The following PHLPP1 variants were observed in gnomAD, a reference collection of about 807,000 sequenced individuals.
PHLPP1 encodes PH domain leucine-rich repeat-containing protein phosphatase 1.
Under a neutral mutation model 117.2 loss-of-function variants are expected in PHLPP1, and 42 were observed. The observed-to-expected ratio is 0.36, with a 90% CI of 0.28 to 0.46. The LOEUF is 0.46. Among genes scored for constraint, PHLPP1 ranks in the 20% least tolerant of loss-of-function variants. The pLI, the probability that PHLPP1 is intolerant of heterozygous loss-of-function variation, is 1.00. For missense variants in PHLPP1, 2,084 were observed against 2,241.9 expected (o/e 0.93, Z 1.42); for synonymous variants, 1,042 against 970.7 (o/e 1.07, Z -1.37).
intron 12 of PHLPP1, among the ~76,000 whole-genome samples, chr18:62,951,916 G>A (rs913441694): frequency 1.3e-5 from 2 of 148,608 alleles, no homozygotes; most frequent in Admixed American, 6.9e-5. Flanking sequence ...CCGGGTTCAC[G>A]CCATTCTCCT....
intron 7 of PHLPP1, among the ~76,000 whole-genome samples, chr18:62,903,385 G>A (rs1391125591): frequency 6.6e-6 from 1 of 152,112 alleles, no homozygotes; most frequent in Non-Finnish European, 1.5e-5. Context: ...TTGTGATTTG[G>A]ATAAGTTACT....
intron 1 of PHLPP1, among the ~76,000 whole-genome samples, chr18:62,800,161 C>T (rs572610655): frequency 2.0e-5 from 3 of 152,080 alleles, no homozygotes; most frequent in African/African-American, 7.2e-5. Flanking sequence ...GAATAGATAC[C>T]CTTGACCACA....
At chr18:62,758,514 C>A (rs1471024026) in intron 1 of PHLPP1, among the ~76,000 whole-genome samples, 1 of 152,016 alleles carries the variant, frequency 6.6e-6, no homozygotes, top group Non-Finnish European at 1.5e-5. Context: ...TGGGTAGTCA[C>A]AGAAACCCCT....
intron 4 of PHLPP1, among the ~76,000 whole-genome samples, chr18:62,871,533 G>T (rs1287427363): frequency 6.6e-6 from 1 of 151,770 alleles, no homozygotes; most frequent in Non-Finnish European, 1.5e-5. Context: ...TCACCATGTC[G>T]GCCAGTCTGG....
At position 62,979,111 on chromosome 18, in the gene PHLPP1, T is replaced by A; in HGVS notation, c.4834T>A (p.Phe1612Ile). 6.2e-7 allele frequency: 1 copy of A among 1,613,868 alleles called. No homozygotes were observed. Among genetic ancestry groups the A allele is most frequent in the Non-Finnish European group, 8.5e-7 (1 of 1,179,780 alleles). ...GCCAGGTCTGCCCAGGAAGGCAGAC[T>A]TCTCTGCCGTTGGGACCATTGGGCG... ...DEPGLPRKADFSAVGTIGRRR... is the reference protein window; with the variant it reads ...DEPGLPRKADISAVGTIGRRR... The change falls in exon 17 of 17, where the codon TTC becomes ATC. Residue 1612 changes from phenylalanine (F) to isoleucine (I), a missense_variant. Coordinates refer to ENST00000262719, the MANE Select transcript of PHLPP1 (RefSeq NM_194449.4).
rs142805008 is a variant in PHLPP1, at chr18:62,852,071, G to C, written c.1900-8364G>C. On this transcript the variant is annotated intron_variant, in intron 3 of 16. Transcript: ENST00000262719. ...TTTTAATTTAATTTTGTAGAGATGG[G>C]GTCTTGCTGTGTTGTCTGGGCTGGC... Among the ~76,000 whole-genome samples the C allele has an allele frequency of 1.1e-3, 163 of 150,968 alleles. 2 individuals are homozygous for C. Among genetic ancestry groups the C allele is most frequent in the African/African-American group, 3.8e-3 (156 of 41,158 alleles).
chr18:62,932,610 T>C (rs943028095), intron 10 of PHLPP1, among the ~76,000 whole-genome samples: 1 of 152,114 alleles, frequency 6.6e-6, no homozygotes, highest in African/African-American at 2.4e-5. Flanking sequence ...ATCAACGGAA[T>C]GTACCTCAAA....
Position 62,979,495 on chromosome 18 carries a change from C to T in PHLPP1, c.*64C>T. On this transcript the variant is annotated 3_prime_UTR_variant, in exon 17 of 17. Coordinates refer to ENST00000262719, the MANE Select transcript of PHLPP1 (RefSeq NM_194449.4). ...GACTGAGTTGCAAGAGTCTCCCAGG[C>T]TCACATTAAACCAGGGGTTTTACTC... The T allele has an allele frequency of 1.3e-6, 2 of 1,504,720 alleles. No individual in the cohort carries two copies. The highest frequency in any genetic ancestry group is 1.3e-5 in the South Asian group (1 of 76,210). 93.2% of individuals were successfully genotyped at this position (1,504,720 alleles called of 1,614,324 possible). A position where few individuals can be genotyped will look rare whatever the true frequency, so the allele number is the denominator to read the frequency against.
intron 4 of PHLPP1, among the ~76,000 whole-genome samples, chr18:62,863,235 CTG>C (rs980850772): frequency 6.6e-6 from 1 of 151,598 alleles, no homozygotes; most frequent in African/African-American, 2.4e-5. Context: ...TTTTTAGACA[CTG>C]TTTTGCTGTC....
chr18:62,971,800 G>C (rs1911055755), intron 14 of PHLPP1, among the ~76,000 whole-genome samples: 2 of 152,176 alleles, frequency 1.3e-5, no homozygotes, highest in Admixed American at 1.3e-4. Context: ...ACTTTGGGAG[G>C]CTGAGGCTGG....
intron 9 of PHLPP1, among the ~76,000 whole-genome samples, chr18:62,915,998 GAAGT>G (rs1333217002): frequency 2.0e-5 from 3 of 152,114 alleles, no homozygotes; most frequent in African/African-American, 7.2e-5. Context: ...AAATATTATA[GAAGT>G]ATGTCACCAT....
chr18:62,849,824 A>ATATATATATATATATATATATATATAT (rs1450269021), intron 3 of PHLPP1, among the ~76,000 whole-genome samples: 6 of 44,778 alleles, frequency 1.3e-4, no homozygotes, highest in Non-Finnish European at 2.3e-4. Context: ...AAAAAAAAAA[A>ATATATATATATATATATATATATATAT]AAAAAAAAAT....
At chr18:62,923,605 C>T (rs1256217814) in intron 10 of PHLPP1, among the ~76,000 whole-genome samples, 1 of 152,060 alleles carries the variant, frequency 6.6e-6, no homozygotes, top group Non-Finnish European at 1.5e-5. Flanking sequence ...TAATGATTTC[C>T]ACCAAATTAT....
At chr18:62,974,348 G>A (rs970020031) in intron 15 of PHLPP1, among the ~76,000 whole-genome samples, 1 of 152,124 alleles carries the variant, frequency 6.6e-6, no homozygotes, top group African/African-American at 2.4e-5. Context: ...TGGTCCTTAG[G>A]GGAACTGGTC....
chr18:62,739,676 G>T (rs1911467462), intron 1 of PHLPP1, among the ~76,000 whole-genome samples: 2 of 152,098 alleles, frequency 1.3e-5, no homozygotes, highest in African/African-American at 4.8e-5. Flanking sequence ...AAAGAAATAA[G>T]CAGGCATGGA....
At chr18:62,765,700 T>G (rs913325204) in intron 1 of PHLPP1, among the ~76,000 whole-genome samples, 1 of 152,096 alleles carries the variant, frequency 6.6e-6, no homozygotes, top group African/African-American at 2.4e-5. Flanking sequence ...CATAAAATAT[T>G]TGTACAGAAA....
intron 2 of PHLPP1, among the ~76,000 whole-genome samples, chr18:62,836,625 T>C (rs979264947): frequency 6.6e-6 from 1 of 151,910 alleles, no homozygotes; most frequent in Non-Finnish European, 1.5e-5. Flanking sequence ...TTGGGGTGTT[T>C]TCCTTCATTT....
chr18:62,740,004 G>A (rs1192588094), intron 1 of PHLPP1, among the ~76,000 whole-genome samples: 1 of 152,200 alleles, frequency 6.6e-6, no homozygotes, highest in Non-Finnish European at 1.5e-5. Context: ...TTACTGCACT[G>A]GAAGGGAAAC....
chr18:62,849,438 A>G (rs1372602324), intron 3 of PHLPP1, among the ~76,000 whole-genome samples: 1 of 151,968 alleles, frequency 6.6e-6, no homozygotes, highest in Non-Finnish European at 1.5e-5. Flanking sequence ...AGGCGGGTGG[A>G]TCACCTGAGG....
Sources: allele counts gnomAD v4.1 joint callset (sites outside exome capture counted in the v4.1 genomes callset), GRCh38; gene constraint gnomAD v4.1.1; transcripts MANE v1.5; gene names NCBI Gene and HGNC (gene_info 2026-07-23, HGNC 2026-07-21).